The following EIF5 variants were observed in gnomAD, a reference collection of about 807,000 sequenced individuals.
EIF5 encodes eukaryotic translation initiation factor 5.
Under a neutral mutation model 48.3 loss-of-function variants are expected in EIF5, and 10 were observed. The ratio of observed to expected loss-of-function variants is 0.21; its 90% CI spans 0.13 to 0.35. The LOEUF (loss-of-function observed/expected upper bound fraction) is 0.35, where lower values mean the gene tolerates loss of function less well. EIF5 is among the 10% of genes least tolerant of loss of function. The probability of loss-of-function intolerance (pLI) is 1.00; values close to 1 mark genes in which losing one functional copy is unlikely to be tolerated. For missense variants in EIF5, 397 were observed against 533.2 expected, an observed-to-expected ratio of 0.74 and a Z score of 2.51; for synonymous variants, 237 against 173.1, an observed-to-expected ratio of 1.37 and a Z score of -2.90.
chr14:103,341,272 A>G lies in EIF5; in HGVS notation c.*220A>G. On this transcript the variant is annotated 3_prime_UTR_variant, in exon 12 of 12. Transcript: ENST00000216554. ...CAGATGTAGTTTGCTTATTTATAGC[A>G]TGTTTCTTTTTGAAAAACTAGTGGT... The G allele has an allele frequency of 6.5e-6, 3 of 459,460 alleles. No individual in the cohort carries two copies. The South Asian group carries it at 9.2e-5, about 14-fold the overall frequency. The allele number at this position is 459,460 out of a possible 1,614,324, so 28.5% of individuals were successfully genotyped here. A position where few individuals can be genotyped will look rare whatever the true frequency, so the allele number is the denominator to read the frequency against.
rs572914838 is a variant in EIF5, at chr14:103,336,307, C to T, written c.154+190C>T. 41 of 664,962 alleles carry T rather than the reference C, an allele frequency of 6.2e-5. No homozygotes were observed. The Admixed American group carries it at 8.9e-4, about 14-fold the overall frequency. The allele number at this position is 664,962 out of a possible 1,614,324, so 41.2% of individuals were successfully genotyped here. On this transcript the variant is annotated intron_variant, in intron 4 of 11. Transcript: ENST00000216554. Reference sequence around the variant, plus strand: ...CGCATTTAAAGAGTGGATGGCTGGGCGCGTTGGCTCACACCTGTAACCCCC... The same window carrying T: ...CGCATTTAAAGAGTGGATGGCTGGGTGCGTTGGCTCACACCTGTAACCCCC...
intron 7 of EIF5, 33 bp from the exon 8 acceptor site, chr14:103,338,702 C>A (rs1566722016): frequency 1.9e-6 from 3 of 1,601,678 alleles, no homozygotes; most frequent in South Asian, 2.2e-5. Context: ...GTTTTTAAGG[C>A]CTTTGATCAA....
rs1399614142 is a variant in EIF5, at chr14:103,344,127, C to T, written c.*3075C>T. 1 of 152,230 alleles carries T rather than the reference C, an allele frequency of 6.6e-6. No homozygotes were observed. The highest frequency in any genetic ancestry group is 1.5e-5 in the Non-Finnish European group (1 of 68,054). 9.4% of individuals were successfully genotyped at this position (152,230 alleles called of 1,614,324 possible). A position where few individuals can be genotyped will look rare whatever the true frequency, so the allele number is the denominator to read the frequency against. ...CAGTACAGATCTTGATTCATAGTGACATTCCATAAGTGGGGTGACAGCAAA... is the reference window on the plus strand; with the variant it reads ...CAGTACAGATCTTGATTCATAGTGATATTCCATAAGTGGGGTGACAGCAAA... On this transcript the variant is annotated 3_prime_UTR_variant, in exon 12 of 12. Coordinates refer to ENST00000216554, the MANE Select transcript of EIF5 (RefSeq NM_001969.5).
intron 4 of EIF5, 65 bp from the exon 5 acceptor site, chr14:103,336,612 A>C: frequency 2.7e-6 from 4 of 1,506,454 alleles, no homozygotes; most frequent in Non-Finnish European, 3.6e-6. Context: ...GTTCGTACAA[A>C]TGTGAGTGAG....
rs2089316153 is a variant in EIF5, at chr14:103,338,480, C to T, written c.585+8C>T. The stretch of plus-strand genomic sequence containing the variant: ...CCTCCTCCACATACAATGGTGAGTG[C>T]AGGGTTGATGGCCTAGTGGGCACTA... On this transcript the variant is annotated splice_region_variant and intron_variant, in intron 7 of 11. Coordinates refer to ENST00000216554, the MANE Select transcript of EIF5 (RefSeq NM_001969.5). 6.4e-7 allele frequency: 1 copy of T among 1,560,924 alleles called. No homozygotes were observed. The highest frequency in any genetic ancestry group is 8.7e-7 in the Non-Finnish European group (1 of 1,151,904).
At chr14:103,339,476 G>A in intron 9 of EIF5, 143 bp downstream of exon 9, 1 of 1,396,086 alleles carries the variant, frequency 7.2e-7, no homozygotes, top group Non-Finnish European at 9.8e-7. Flanking sequence ...ATCTGAAAGT[G>A]CCATACCTAG....
intron 11 of EIF5, 82 bp from the exon 12 acceptor site, chr14:103,340,881 C>T (rs1267859554): frequency 2.1e-6 from 3 of 1,415,904 alleles, no homozygotes; most frequent in East Asian, 2.3e-5. Flanking sequence ...GCAGTTTCCT[C>T]CTCTGTGACC....
At chr14:103,334,742 G>GCTCCCCGGCCCGGCCTCGCCCC (rs1343841556) in intron 2 of EIF5, 145 bp downstream of exon 2, 1 of 146,716 alleles carries the variant, frequency 6.8e-6, no homozygotes, top group Non-Finnish European at 1.5e-5. Flanking sequence ...CTCCCCGCGC[G>GCTCCCCGGCCCGGCCTCGCCCC]CTCCCCGGCC....
At chr14:103,337,506 G>A in intron 6 of EIF5, 1 of 421,894 alleles carries the variant, frequency 2.4e-6, no homozygotes, top group Non-Finnish European at 4.3e-6. Context: ...GGTAGCTGAG[G>A]CATGAGCGTC....
chr14:103,334,634 C>T (rs1386466546), intron 2 of EIF5, 37 bp downstream of exon 2: 1 of 150,868 alleles, frequency 6.6e-6, no homozygotes, highest in Admixed American at 6.6e-5. Flanking sequence ...AGATGGCGGC[C>T]GCACAAGATG....
intron 6 of EIF5, 105 bp from the exon 7 acceptor site, chr14:103,338,222 G>A (rs2089312405): frequency 1.3e-6 from 2 of 1,498,682 alleles, no homozygotes; most frequent in South Asian, 2.7e-5. Context: ...TGGTTTTTCT[G>A]AGGGGATCCA....
chr14:103,335,621 A>AT (rs771879568), intron 2 of EIF5, 32 bp from the exon 3 acceptor site: 2 of 552,018 alleles, frequency 3.6e-6, no homozygotes, highest in Non-Finnish European at 3.2e-6. Context: ...ACCTGGGGGG[A>AT]TTTTTGTGTG....
chr14:103,339,599 A>G (rs1011513768), intron 9 of EIF5, 40 bp from the exon 10 acceptor site: 3 of 1,609,850 alleles, frequency 1.9e-6, no homozygotes, highest in Non-Finnish European at 2.5e-6. Flanking sequence ...AACTTAGAAC[A>G]CATAAAAAAG....
Position 103,340,696 on chromosome 14 carries a change from G to T in EIF5, c.1206+135G>T, listed in dbSNP as rs1459186729. The T allele has an allele frequency of 3.3e-6, 4 of 1,198,672 alleles. No homozygotes were observed. The African/African-American group carries it at 6.1e-5, about 18-fold the overall frequency. The allele number at this position is 1,198,672 out of a possible 1,614,324, so 74.3% of individuals were successfully genotyped here. A position where few individuals can be genotyped will look rare whatever the true frequency, so the allele number is the denominator to read the frequency against. On this transcript the variant is annotated intron_variant, in intron 11 of 11. Transcript: ENST00000216554. ...AGAATTTAAGATGCAGTAAAATACA[G>T]CCTCTCAATAATTTGGAAAATAATA...
rs1251592768 is a variant in EIF5, at chr14:103,341,396, T to C, written c.*344T>C. On this transcript the variant is annotated 3_prime_UTR_variant, in exon 12 of 12. Transcript: ENST00000216554. ...TCTGAATGACTTAAGCTGAAGTAAC[T>C]GGCTCCTTACTTTAAATGTTCTGCC... The C allele has an allele frequency of 5.3e-6, 1 of 188,904 alleles. No individual in the cohort carries two copies. Among genetic ancestry groups the C allele is most frequent in the Non-Finnish European group, 1.1e-5 (1 of 88,760 alleles). The allele number at this position is 188,904 out of a possible 1,614,324, so 11.7% of individuals were successfully genotyped here. A position where few individuals can be genotyped will look rare whatever the true frequency, so the allele number is the denominator to read the frequency against.
rs755030744 is a variant in EIF5, at chr14:103,338,749, T to G, written c.600T>G (p.Asp200Glu). Residue 200 changes from aspartate (D) to glutamate (E), a missense_variant, in exon 8 of 12, where the codon GAT (aspartate) becomes GAG (glutamate). Physicochemically the swap from Asp to Glu is conservative, Grantham distance 45 (BLOSUM62 2). Coordinates refer to ENST00000216554, the MANE Select transcript of EIF5 (RefSeq NM_001969.5). ...TTCATAAACAGGAAGAAGAGGAGGA[T>G]GATGACTGGGGAGAAGATACAACTG... ...PPPHTMEEEE[D>E]DDWGEDTTEE... 9 of 1,613,592 alleles carry G rather than the reference T, an allele frequency of 5.6e-6. No homozygotes were observed. Among genetic ancestry groups the G allele is most frequent in the African/African-American group, 4.0e-5 (3 of 74,864 alleles).
intron 6 of EIF5, 106 bp downstream of exon 6, chr14:103,337,333 G>T (rs578046848): frequency 1.1e-6 from 1 of 946,916 alleles, no homozygotes; most frequent in Non-Finnish European, 1.6e-6. Context: ...GACTGGGCAC[G>T]GTGGCTCATG....
rs891039422 is a variant in EIF5 at position 103,335,110 on chromosome 14, C to T, written c.-209+513C>T. The T allele has an allele frequency of 1.8e-4, 28 of 152,288 alleles. 1 individual carries two copies. The highest frequency in any genetic ancestry group is 1.4e-3 in the Admixed American group (21 of 15,290). 9.4% of individuals were successfully genotyped at this position (152,288 alleles called of 1,614,324 possible). A position where few individuals can be genotyped will look rare whatever the true frequency, so the allele number is the denominator to read the frequency against. The stretch of plus-strand genomic sequence containing the variant: ...GAGGAAAAGGGAGGCCGGGGCGAGC[C>T]TGGCGTTCGCTCGCGCTCTCTTGCT... On this transcript the variant is annotated intron_variant, in intron 2 of 11. Coordinates refer to ENST00000216554, the MANE Select transcript of EIF5 (RefSeq NM_001969.5).
chr14:103,339,618 C>T (rs1403765653), intron 9 of EIF5, 21 bp from the exon 10 acceptor site: 3 of 1,613,868 alleles, frequency 1.9e-6, no homozygotes, highest in Non-Finnish European at 2.5e-6. Flanking sequence ...AGATTGTTAA[C>T]ACCAAGGTGT....
Sources: allele counts gnomAD v4.1 joint callset, GRCh38; gene constraint gnomAD v4.1.1; transcripts MANE v1.5; gene names NCBI Gene and HGNC (gene_info 2026-07-23, HGNC 2026-07-21).